Variants in DIPK2A observed in about 807,000 individuals in gnomAD.
DIPK2A encodes the protein Golgi Protein of 49 kDa.
DIPK2A carries 27 observed loss-of-function variants against 39.0 expected under a neutral mutation model. The ratio of observed to expected loss-of-function variants is 0.69; its 90% CI spans 0.51 to 0.96. The LOEUF is 0.96. DIPK2A is among the 40% of genes least tolerant of loss of function. The pLI is 0.00. For synonymous variants in DIPK2A, 298 were observed against 240.8 expected, an observed-to-expected ratio of 1.24 and a Z score of -2.20; for missense variants, 528 against 571.3, an observed-to-expected ratio of 0.92 and a Z score of 0.77.
rs973340022 is a variant in DIPK2A at position 143,987,636 on chromosome 3, T to G, written c.961+1790T>G. Among the ~76,000 whole-genome samples, 7 of 152,218 alleles carry G rather than the reference T, an allele frequency of 4.6e-5. 1 individual carries two copies. In the East Asian group the frequency reaches 1.2e-3, roughly 25 times the overall value. ...CTCATTAAAACAGCAACAGATAGAT[T>G]CTTCTTTGAGAACTTGTTACATCAG... On this transcript the variant is annotated intron_variant, in intron 2 of 2. Coordinates refer to ENST00000315691, the MANE Select transcript of DIPK2A (RefSeq NM_173552.5).
chr3:143,977,305 T>G (rs911153058), intron 1 of DIPK2A, among the ~76,000 whole-genome samples: 1 of 152,022 alleles, frequency 6.6e-6, no homozygotes, highest in African/African-American at 2.4e-5. Flanking sequence ...GCTTTCAAAC[T>G]CTTGAGAAAT....
At chr3:143,978,640 CTATATATA>C (rs35495369) in intron 1 of DIPK2A, 24 of 117,038 alleles carry the variant, frequency 2.1e-4, no homozygotes, top group Middle Eastern at 4.3e-3. Flanking sequence ...ATATATATAT[CTATATATA>C]TATATATATA....
chr3:143,976,780 TTATAG>T (rs2087736304), intron 1 of DIPK2A, among the ~76,000 whole-genome samples: 1 of 152,116 alleles, frequency 6.6e-6, no homozygotes, highest in South Asian at 2.1e-4. Context: ...TACTTTATTT[TTATAG>T]TATATGACTA....
chr3:143,973,733 T>G (rs1327706491), intron 1 of DIPK2A: 1 of 617,080 alleles, frequency 1.6e-6, no homozygotes, highest in Non-Finnish European at 2.9e-6. Flanking sequence ...AGATGAAATA[T>G]TAGGCCAGGG....
At chr3:143,989,130 G>T (rs1333784095) in intron 2 of DIPK2A, among the ~76,000 whole-genome samples, 1 of 152,244 alleles carries the variant, frequency 6.6e-6, no homozygotes, top group East Asian at 1.9e-4. Flanking sequence ...TTTCTTTTCA[G>T]ATTTGTTTTC....
At chr3:143,978,634 ATATATC>A (rs1471081627) in intron 1 of DIPK2A, 3 of 36,640 alleles carry the variant, frequency 8.2e-5, no homozygotes, top group East Asian at 9.2e-4. Flanking sequence ...ATATATATAT[ATATATC>A]TATATATATA....
In DIPK2A at chr3:143,992,077, A is replaced by G. The variant is rs944957937; in HGVS notation, c.*2236A>G. The G allele has an allele frequency of 6.6e-6, 1 of 152,640 alleles. No individual in the cohort carries two copies. The highest frequency in any genetic ancestry group is 1.5e-5 in the Non-Finnish European group (1 of 68,014). The allele number at this position is 152,640 out of a possible 1,614,324, so 9.5% of individuals were successfully genotyped here. On this transcript the variant is annotated 3_prime_UTR_variant, in exon 3 of 3. Coordinates refer to ENST00000315691, the MANE Select transcript of DIPK2A (RefSeq NM_173552.5). ...TAGGAATTTAAAATTACAGGGAAAA[A>G]TATGTAAGTGAAAAGCAATAAATAT... is the stretch of plus-strand genomic sequence containing the variant.
chr3:143,979,665 T>G (rs1434180244), intron 1 of DIPK2A, among the ~76,000 whole-genome samples: 1 of 152,010 alleles, frequency 6.6e-6, no homozygotes, highest in Non-Finnish European at 1.5e-5. Context: ...TTAAAACTTG[T>G]GAACAAGTGA....
intron 1 of DIPK2A, among the ~76,000 whole-genome samples, chr3:143,982,779 T>A (rs2087843938): frequency 6.6e-6 from 1 of 151,992 alleles, no homozygotes; most frequent in Admixed American, 6.6e-5. Context: ...TGGCTAAATG[T>A]CCCAATTAAA....
intron 2 of DIPK2A, among the ~76,000 whole-genome samples, chr3:143,986,541 G>A (rs2087902180): frequency 6.6e-6 from 1 of 151,940 alleles, no homozygotes; most frequent in Non-Finnish European, 1.5e-5. Context: ...TGGCTAACAC[G>A]GTGAAACCCC....
In DIPK2A at chr3:143,972,316, G is replaced by C; in HGVS notation, c.-17G>C. 1 of 1,346,980 alleles carries C rather than the reference G, an allele frequency of 7.4e-7. No individual in the cohort carries two copies. Among genetic ancestry groups the C allele is most frequent in the Non-Finnish European group, 9.5e-7 (1 of 1,054,528 alleles). The allele number at this position is 1,346,980 out of a possible 1,614,324, so 83.4% of individuals were successfully genotyped here. ...CCGGGGGTGCCCTCGCCCTCCCGTT[G>C]CGGGCGGGCGGGCGGTATGTGGCGC... On this transcript the variant is annotated 5_prime_UTR_variant, in exon 1 of 3. Coordinates refer to ENST00000315691, the MANE Select transcript of DIPK2A (RefSeq NM_173552.5).
At chr3:143,978,902 C>T (rs1042529193) in intron 1 of DIPK2A, among the ~76,000 whole-genome samples, 7 of 151,322 alleles carry the variant, frequency 4.6e-5, no homozygotes, top group East Asian at 3.9e-4. Context: ...TTAATGTTTC[C>T]GATTCTAAGT....
intron 1 of DIPK2A, among the ~76,000 whole-genome samples, chr3:143,976,584 G>GAGAGAGAGAA (rs3083098): frequency 0.037 from 5,107 of 139,022 alleles, 100 homozygotes; most frequent in Middle Eastern, 0.04. Flanking sequence ...GAGAGAGAGA[G>GAGAGAGAGAA]ATGCTGTCTG....
At chr3:143,981,440 T>G (rs2087827847) in intron 1 of DIPK2A, among the ~76,000 whole-genome samples, 1 of 152,212 alleles carries the variant, frequency 6.6e-6, no homozygotes. Context: ...TATTCATTTC[T>G]GAGAAGATAC....
chr3:143,972,066 G>T lies in DIPK2A; in HGVS notation c.-267G>T. On this transcript the variant is annotated 5_prime_UTR_variant, in exon 1 of 3. Transcript: ENST00000315691. ...CTATAACTTGGCTGGCGTGGAGGAG[G>T]CGCCGCCGGAGTCGGAGGGCGGGGA... 1 of 374,914 alleles carries T rather than the reference G, an allele frequency of 2.7e-6. No individual in the cohort carries two copies. Among genetic ancestry groups the T allele is most frequent in the Non-Finnish European group, 4.7e-6 (1 of 211,514 alleles). 23.2% of individuals were successfully genotyped at this position (374,914 alleles called of 1,614,324 possible).
rs779352102 is a variant in DIPK2A, at chr3:143,989,490, T to C, written c.962-20T>C. The C allele has an allele frequency of 2.2e-5, 34 of 1,557,348 alleles. No homozygotes were observed. The African/African-American group carries it at 4.1e-4, about 19-fold the overall frequency. On this transcript the variant is annotated intron_variant, in intron 2 of 2. Coordinates refer to ENST00000315691, the MANE Select transcript of DIPK2A (RefSeq NM_173552.5). ...TATTTAAAAAATTTTTTTCTACTTCTGCTTTTCCTCCTTTCACAGATAAAC... is the reference window on the plus strand; with the variant it reads ...TATTTAAAAAATTTTTTTCTACTTCCGCTTTTCCTCCTTTCACAGATAAAC...
Position 143,972,087 on chromosome 3 carries a change from G to GGGGAGCTAGGAGGA in DIPK2A, c.-238_-225dup, listed in dbSNP as rs2087655386. ...GGAGGCGCCGCCGGAGTCGGAGGGC[G>GGGGAGCTAGGAGGA]GGGAGCTAGGAGGAGGGAGCTCGAG... is the stretch of plus-strand genomic sequence containing the variant. On this transcript the variant is annotated 5_prime_UTR_variant, in exon 1 of 3. Transcript: ENST00000315691. 1 of 386,366 alleles carries GGGGAGCTAGGAGGA rather than the reference G, an allele frequency of 2.6e-6. No individual in the cohort carries two copies. The highest frequency in any genetic ancestry group is 2.1e-5 in the African/African-American group (1 of 48,170). 23.9% of individuals were successfully genotyped at this position (386,366 alleles called of 1,614,324 possible).
intron 2 of DIPK2A, among the ~76,000 whole-genome samples, chr3:143,986,740 A>G (rs1283489604): frequency 6.6e-6 from 1 of 151,442 alleles, no homozygotes; most frequent in Non-Finnish European, 1.5e-5. Context: ...AAAAAAAAAA[A>G]AGAAAATTAA....
chr3:143,972,352 C>T lies in DIPK2A; in HGVS notation c.20C>T (p.Pro7Leu). 1 of 1,365,942 alleles carries T rather than the reference C, an allele frequency of 7.3e-7. No homozygotes were observed. Among genetic ancestry groups the T allele is most frequent in the Non-Finnish European group, 9.4e-7 (1 of 1,062,428 alleles). The allele number at this position is 1,365,942 out of a possible 1,614,324, so 84.6% of individuals were successfully genotyped here. A position where few individuals can be genotyped will look rare whatever the true frequency, so the allele number is the denominator to read the frequency against. Reference protein sequence around the residue: MWRLVPPKLGRLSRSLK... With the variant: MWRLVPLKLGRLSRSLK... ...GGCGGTATGTGGCGCCTGGTGCCCC[C>T]GAAGCTGGGCCGCCTGTCCCGCTCG... The change falls in exon 1 of 3, where the codon CCG becomes CTG. Residue 7 changes from proline to leucine, a missense_variant. By Grantham distance (98) the Pro-to-Leu change is moderately conservative. This residue lies in a region of DIPK2A where 309 missense variants were observed against 289.8 expected (regional missense o/e 1.07). Transcript: ENST00000315691.
Sources: allele counts gnomAD v4.1 joint callset (sites outside exome capture counted in the v4.1 genomes callset), GRCh38; gene constraint gnomAD v4.1.1; regional missense constraint gnomAD v4.1.1; transcripts MANE v1.5; gene names NCBI Gene and HGNC (gene_info 2026-07-23, HGNC 2026-07-21).